DLG2: variants seen among roughly 807,000 people sequenced by gnomAD.
DLG2 encodes discs large MAGUK scaffold protein 2.
A neutral mutation model predicts 132.5 loss-of-function variants in DLG2; 45 were observed. The observed-to-expected ratio is 0.34, with a 90% CI of 0.27 to 0.44. DLG2 has a LOEUF of 0.44. Among genes scored for constraint, DLG2 ranks in the 20% least tolerant of loss-of-function variants. The probability of loss-of-function intolerance (pLI) is 1.00; values close to 1 mark genes in which losing one functional copy is unlikely to be tolerated. For missense variants in DLG2, 1,045 were observed against 1,196.9 expected (o/e 0.87, Z 1.87); for synonymous variants, 424 against 419.6 (o/e 1.01, Z -0.13).
intron 6 of DLG2, among the ~76,000 whole-genome samples, chr11:84,816,873 C>T (rs2077136637): frequency 6.6e-6 from 1 of 151,976 alleles, no homozygotes; most frequent in Non-Finnish European, 1.5e-5. Context: ...ACTTCAATAG[C>T]TTATATACAA....
intron 4 of DLG2, among the ~76,000 whole-genome samples, chr11:85,182,479 T>C (rs1469550312): frequency 6.6e-6 from 1 of 151,964 alleles, no homozygotes; most frequent in African/African-American, 2.4e-5. Flanking sequence ...ACTTACATTA[T>C]AATTTTTATT....
In DLG2 at chr11:84,047,979, T is replaced by C. The variant is rs115716448; in HGVS notation, c.919+11336A>G. Among the ~76,000 whole-genome samples, 923 of 151,676 alleles carry C rather than the reference T, an allele frequency of 6.1e-3. 9 individuals are homozygous for C. Among genetic ancestry groups the C allele is most frequent in the African/African-American group, 0.021 (888 of 41,472 alleles). On this transcript the variant is annotated intron_variant, in intron 11 of 27. Transcript: ENST00000376104. ...TTAGGAGAGAGCTTGTTTACAGACA[T>C]CATTATGAATATTGACCAAATATTA...
chr11:84,533,732 T>C lies in DLG2; in HGVS notation c.519+838A>G, dbSNP rs550901123. Among the ~76,000 whole-genome samples, 346 of 152,150 alleles carry C rather than the reference T, an allele frequency of 2.3e-3. 1 individual carries two copies. Among genetic ancestry groups the C allele is most frequent in the Middle Eastern group, 0.017 (5 of 294 alleles). ...CTGGCAAAATGAATGTTCTCGGTGA[T>C]GAAAGAAATTTTTGTTTAGCAATAA... On this transcript the variant is annotated intron_variant, in intron 7 of 27. Transcript: ENST00000376104.
chr11:84,985,196 A>G (rs1013123364), intron 6 of DLG2, among the ~76,000 whole-genome samples: 5 of 152,202 alleles, frequency 3.3e-5, no homozygotes, highest in African/African-American at 1.2e-4. Flanking sequence ...TGGCACATGG[A>G]ACTTTCTCTC....
At chr11:84,970,025 G>A (rs2053858903) in intron 6 of DLG2, among the ~76,000 whole-genome samples, 1 of 152,052 alleles carries the variant, frequency 6.6e-6, no homozygotes, top group Admixed American at 6.6e-5. Context: ...TGTGGGGTGG[G>A]GGGCTAGGAG....
intron 7 of DLG2, among the ~76,000 whole-genome samples, chr11:84,274,053 G>A (rs905109341): frequency 6.6e-6 from 1 of 152,192 alleles, no homozygotes; most frequent in African/African-American, 2.4e-5. Flanking sequence ...CTCGGGAAAT[G>A]AGAGTAGGCT....
chr11:84,307,510 CA>C (rs1477723292), intron 7 of DLG2, among the ~76,000 whole-genome samples: 2 of 152,070 alleles, frequency 1.3e-5, no homozygotes, highest in Non-Finnish European at 2.9e-5. Flanking sequence ...TCCTGGCTAA[CA>C]CGGTGAAACC....
chr11:84,893,112 C>T (rs1485397741), intron 6 of DLG2, among the ~76,000 whole-genome samples: 1 of 152,086 alleles, frequency 6.6e-6, no homozygotes, highest in African/African-American at 2.4e-5. Context: ...TATTACTTGC[C>T]AATAGCTCTG....
chr11:83,528,615 A>C (rs2095664233), intron 21 of DLG2, among the ~76,000 whole-genome samples: 2 of 152,138 alleles, frequency 1.3e-5, no homozygotes, highest in Admixed American at 6.6e-5. Context: ...CTTCAACAGA[A>C]TCATGTATAG....
intron 6 of DLG2, among the ~76,000 whole-genome samples, chr11:84,847,603 G>A (rs898103649): frequency 6.6e-6 from 1 of 152,134 alleles, no homozygotes; most frequent in Non-Finnish European, 1.5e-5. Context: ...TGCCAGACCA[G>A]CAGAAGATTC....
In DLG2 at chr11:85,512,770, A is replaced by G. The variant is rs182526359; in HGVS notation, c.40+85887T>C. 4.6e-5 allele frequency among the ~76,000 whole-genome samples: 7 copies of G among 152,268 alleles called. No individual in the cohort carries two copies. In the East Asian group the frequency reaches 1.2e-3, roughly 25 times the overall value. ...AATGTAAATTAGTTTAGTCCCTTGGAAAGCAGTGTGGAGATTTCTCAAAGA... is the reference window on the plus strand; with the variant it reads ...AATGTAAATTAGTTTAGTCCCTTGGGAAGCAGTGTGGAGATTTCTCAAAGA... On this transcript the variant is annotated intron_variant, in intron 3 of 27. Transcript: ENST00000376104.
chr11:85,060,379 T>C (rs767719003), intron 6 of DLG2, among the ~76,000 whole-genome samples: 4 of 150,200 alleles, frequency 2.7e-5, no homozygotes, highest in Admixed American at 1.3e-4. Context: ...TCATAATACA[T>C]CACAAGATGT....
At chr11:84,610,417 A>G (rs2099593381) in intron 6 of DLG2, among the ~76,000 whole-genome samples, 1 of 152,174 alleles carries the variant, frequency 6.6e-6, no homozygotes, top group African/African-American at 2.4e-5. Flanking sequence ...TTTAAAAAAC[A>G]TGACAACTTC....
At chr11:84,418,795 T>G (rs893760787) in intron 7 of DLG2, among the ~76,000 whole-genome samples, 25 of 152,212 alleles carry the variant, frequency 1.6e-4, no homozygotes, top group African/African-American at 6.0e-4. Context: ...CTTATCCCGT[T>G]GCTTTCCCTG....
chr11:85,132,856 G>A, intron 5 of DLG2: 1 of 456,672 alleles, frequency 2.2e-6, no homozygotes, highest in African/African-American at 2.0e-5. Context: ...CAGCAAAGGT[G>A]AGAAAAGCCT....
chr11:85,410,224 C>T (rs1442368528), intron 3 of DLG2, among the ~76,000 whole-genome samples: 1 of 151,722 alleles, frequency 6.6e-6, no homozygotes, highest in African/African-American at 2.4e-5. Flanking sequence ...AGAATCAGCA[C>T]CTCATTTTTT....
intron 3 of DLG2, among the ~76,000 whole-genome samples, chr11:85,294,194 T>A (rs2079083311): frequency 6.6e-6 from 1 of 152,138 alleles, no homozygotes; most frequent in African/African-American, 2.4e-5. Context: ...GAGTGAAATG[T>A]AAACAATTGG....
intron 7 of DLG2, among the ~76,000 whole-genome samples, chr11:84,380,618 A>C (rs553313719): frequency 2.6e-4 from 40 of 152,112 alleles, no homozygotes; most frequent in Admixed American, 2.0e-3. Flanking sequence ...TTACATTAGA[A>C]AAGGAAGAAA....
At chr11:83,870,525 G>A (rs1037615668) in intron 16 of DLG2, among the ~76,000 whole-genome samples, 2 of 152,110 alleles carry the variant, frequency 1.3e-5, no homozygotes, top group African/African-American at 4.8e-5. Flanking sequence ...TAGGCACTTA[G>A]GTTGATTAGG....
Sources: gnomAD v4.1 joint callset for allele counts (sites outside exome capture counted in the v4.1 genomes callset) on GRCh38, gnomAD v4.1.1 for gene constraint, MANE v1.5 for transcripts, NCBI Gene and HGNC (gene_info 2026-07-23, HGNC 2026-07-21) for gene names.